OOSP4B: variants seen among roughly 807,000 people sequenced by gnomAD.
OOSP4B encodes oocyte-secreted protein 4B.
chr11:60,023,412 A>G (rs1854713652), intron 1 of OOSP4B, among the ~76,000 whole-genome samples: 3 of 152,264 alleles, frequency 2.0e-5, no homozygotes, highest in South Asian at 2.1e-4. Flanking sequence ...ATTTTAAACT[A>G]TACCTGCTTT....
intron 1 of OOSP4B, among the ~76,000 whole-genome samples, chr11:60,019,789 C>T (rs538383595): frequency 1.3e-5 from 2 of 152,204 alleles, no homozygotes; most frequent in East Asian, 1.9e-4. Context: ...AGACCCCCAA[C>T]GGGTTGCCAG....
At chr11:60,029,391 G>A (rs189940717) in intron 3 of OOSP4B, among the ~76,000 whole-genome samples, 123 of 152,226 alleles carry the variant, frequency 8.1e-4, no homozygotes, top group African/African-American at 2.8e-3. Flanking sequence ...TAAGATTTTG[G>A]TGGTAGCATC....
At chr11:60,024,002 C>A in exon 2 of OOSP4B, 3 of 398,552 alleles carry the variant, frequency 7.5e-6, no homozygotes, top group Non-Finnish European at 8.8e-6. Context: ...TGTAACAAGA[C>A]TGTTGTCATT....
chr11:60,018,858 C>CT (rs1469371067), intron 1 of OOSP4B, among the ~76,000 whole-genome samples: 1 of 152,132 alleles, frequency 6.6e-6, no homozygotes, highest in Non-Finnish European at 1.5e-5. Flanking sequence ...AAATTGAGAA[C>CT]TAAGTGTACT....
At chr11:60,025,126 T>C in intron 3 of OOSP4B, 121 bp downstream of exon 3, 1 of 393,072 alleles carries the variant, frequency 2.5e-6, no homozygotes, top group Non-Finnish European at 4.5e-6. Flanking sequence ...ATTTCTAAAG[T>C]TTCTCTAACT....
At chr11:60,026,064 C>T (rs931215060) in intron 3 of OOSP4B, among the ~76,000 whole-genome samples, 1 of 152,074 alleles carries the variant, frequency 6.6e-6, no homozygotes, top group Non-Finnish European at 1.5e-5. Context: ...GTCTTCATAT[C>T]TTAAAGACCA....
chr11:60,019,738 T>C (rs1565047755), intron 1 of OOSP4B, among the ~76,000 whole-genome samples: 2 of 152,210 alleles, frequency 1.3e-5, no homozygotes, highest in South Asian at 4.1e-4. Flanking sequence ...GCAAGATTTA[T>C]TGCAAAAAGC....
At position 60,021,878 on chromosome 11, in the gene OOSP4B, G is replaced by A. The variant is rs191068370; in HGVS notation, c.23-2002G>A. Among the ~76,000 whole-genome samples, 811 of 151,768 alleles carry A rather than the reference G, an allele frequency of 5.3e-3. 1 individual carries two copies. The highest frequency in any genetic ancestry group is 8.5e-3 in the Non-Finnish European group (579 of 67,976). ...ACATGCCTGTAGTCCTAGCTACTCAGGAGGCTGAGACAGGAGAATCACTTG... is the reference window on the plus strand; with the variant it reads ...ACATGCCTGTAGTCCTAGCTACTCAAGAGGCTGAGACAGGAGAATCACTTG... On this transcript the variant is annotated intron_variant, in intron 1 of 4. Coordinates refer to ENST00000642343, the Ensembl canonical transcript of OOSP4B.
At chr11:60,030,944 G>A (rs1162563710) in exon 5 of OOSP4B, 1 of 396,520 alleles carries the variant, frequency 2.5e-6, no homozygotes, top group Non-Finnish European at 4.4e-6. Context: ...AAGATGAGTA[G>A]CAACATCTGT....
At chr11:60,029,646 G>C (rs535236613) in intron 3 of OOSP4B, 136 bp from the exon 4 acceptor site, 2 of 394,762 alleles carry the variant, frequency 5.1e-6, no homozygotes, top group South Asian at 2.9e-4. Flanking sequence ...GATTTACTGA[G>C]CTACTTTGCC....
chr11:60,018,279 G>T (rs888584242), intron 1 of OOSP4B, among the ~76,000 whole-genome samples: 9 of 152,022 alleles, frequency 5.9e-5, no homozygotes, highest in Admixed American at 3.9e-4. Context: ...TTAGAATACT[G>T]GTTCTCAGCG....
At chr11:60,017,565 CCT>C (rs1491411025) in intron 1 of OOSP4B, among the ~76,000 whole-genome samples, 152 bp downstream of exon 1, 3 of 151,400 alleles carry the variant, frequency 2.0e-5, no homozygotes, top group Non-Finnish European at 2.9e-5. Flanking sequence ...TTTTTTTCCC[CCT>C]GATTATAAAC....
chr11:60,017,368 T>C lies in OOSP4B; in HGVS notation c.-24T>C, dbSNP rs1448430192. 2.5e-6 allele frequency: 1 copy of C among 398,704 alleles called. No homozygotes were observed. Among genetic ancestry groups the C allele is most frequent in the Non-Finnish European group, 4.4e-6 (1 of 226,118 alleles). 24.7% of individuals were successfully genotyped at this position (398,704 alleles called of 1,614,324 possible). A position where few individuals can be genotyped will look rare whatever the true frequency, so the allele number is the denominator to read the frequency against. ...GCTCCTTGCCATTTCTTGTTTTCTA[T>C]GTTGTGTCTTGGAGTCTGGAGCAAT... On this transcript the variant is annotated 5_prime_UTR_variant, in exon 1 of 5. An upstream start codon of the reference 5' UTR is lost. Coordinates refer to ENST00000642343, the Ensembl canonical transcript of OOSP4B.
Position 60,025,014 on chromosome 11 carries a change from A to G in OOSP4B, c.302+9A>G, listed in dbSNP as rs1474293699. On this transcript the variant is annotated intron_variant, in intron 3 of 4. Transcript: ENST00000642343. The stretch of plus-strand genomic sequence containing the variant: ...GTTTGCTTTGTGAAGAGGTATGAGT[A>G]GCTACTTCTCTTACACATTCTTAAA... 2 of 398,162 alleles carry G rather than the reference A, an allele frequency of 5.0e-6. No homozygotes were observed. The highest frequency in any genetic ancestry group is 8.9e-6 in the Non-Finnish European group (2 of 225,892). The allele number at this position is 398,162 out of a possible 1,614,324, so 24.7% of individuals were successfully genotyped here. A position where few individuals can be genotyped will look rare whatever the true frequency, so the allele number is the denominator to read the frequency against.
chr11:60,029,890 A>C (rs1854788940), exon 4 of OOSP4B: 1 of 398,376 alleles, frequency 2.5e-6, no homozygotes, highest in Non-Finnish European at 4.4e-6. Flanking sequence ...CTCCCACACA[A>C]AGTAAAACAT....
intron 3 of OOSP4B, among the ~76,000 whole-genome samples, chr11:60,029,015 A>G (rs901804144): frequency 8.5e-5 from 13 of 152,228 alleles, no homozygotes; most frequent in African/African-American, 3.1e-4. Context: ...TCAATAGCAG[A>G]TTATAGAAGT....
chr11:60,017,196 T>C lies in OOSP4B; in HGVS notation c.-196T>C, dbSNP rs1320320318. On this transcript the variant is annotated 5_prime_UTR_variant, in exon 1 of 5. It removes an upstream start codon present in the reference 5' UTR. Coordinates refer to ENST00000642343, the Ensembl canonical transcript of OOSP4B. Reference sequence around the variant, plus strand: ...GTCTAACAAGCTCCCAGGTTGCCTATGGCACAGGTGAAGTGTTGCAGCTAC... The same window carrying C: ...GTCTAACAAGCTCCCAGGTTGCCTACGGCACAGGTGAAGTGTTGCAGCTAC... 2 of 394,816 alleles carry C rather than the reference T, an allele frequency of 5.1e-6. No homozygotes were observed. Among genetic ancestry groups the C allele is most frequent in the Middle Eastern group, 6.3e-4 (1 of 1,590 alleles). 24.5% of individuals were successfully genotyped at this position (394,816 alleles called of 1,614,324 possible).
At chr11:60,026,435 A>G (rs1854746961) in intron 3 of OOSP4B, among the ~76,000 whole-genome samples, 1 of 152,162 alleles carries the variant, frequency 6.6e-6, no homozygotes, top group African/African-American at 2.4e-5. Flanking sequence ...TATATCAATG[A>G]CCTTATAAGC....
intron 3 of OOSP4B, among the ~76,000 whole-genome samples, chr11:60,027,655 TAAAA>T (rs61649958): frequency 0.022 from 1,380 of 62,208 alleles, 50 homozygotes; most frequent in African/African-American, 0.06. Flanking sequence ...GCTATGATAT[TAAAA>T]AAAAAAAAAA....
Sources: gnomAD v4.1 joint callset for allele counts (sites outside exome capture counted in the v4.1 genomes callset) on GRCh38, gnomAD v4.1.1 for gene constraint, MANE v1.5 for transcripts, NCBI Gene and HGNC (gene_info 2026-07-23, HGNC 2026-07-21) for gene names.